APPBP2: variants seen among roughly 807,000 people sequenced by gnomAD.
APPBP2 encodes the protein amyloid protein-binding protein 2.
In APPBP2, 15 loss-of-function variants were observed where a neutral mutation model predicts 76.0. That is an observed-to-expected ratio of 0.20 (90% CI 0.13 to 0.30). The LOEUF (loss-of-function observed/expected upper bound fraction) is 0.30. Among genes scored for constraint, APPBP2 ranks in the 10% least tolerant of loss-of-function variants. APPBP2 has a pLI of 1.00. For missense variants in APPBP2, 401 were observed against 687.2 expected (o/e 0.58, Z 4.66); for synonymous variants, 222 against 242.2 (o/e 0.92, Z 0.77).
At chr17:60,456,933 C>T (rs571453102) in intron 9 of APPBP2, among the ~76,000 whole-genome samples, 16 of 151,826 alleles carry the variant, frequency 1.1e-4, no homozygotes, top group African/African-American at 2.4e-4. Flanking sequence ...GTCAGGAGTT[C>T]GAGACAAGCC....
chr17:60,513,723 C>A (rs943286328), intron 1 of APPBP2, among the ~76,000 whole-genome samples: 3 of 151,428 alleles, frequency 2.0e-5, no homozygotes, highest in African/African-American at 4.9e-5. Context: ...ATTAGCCGGG[C>A]GTGGTGGCGG....
chr17:60,499,463 C>A (rs1348176238), intron 2 of APPBP2, among the ~76,000 whole-genome samples: 2 of 152,162 alleles, frequency 1.3e-5, no homozygotes, highest in Admixed American at 6.5e-5. Context: ...CCCTTGAGCC[C>A]AGGAGTTCGA....
At chr17:60,517,580 AG>A (rs2090973258) in intron 1 of APPBP2, among the ~76,000 whole-genome samples, 1 of 152,226 alleles carries the variant, frequency 6.6e-6, no homozygotes, top group Admixed American at 6.5e-5. Context: ...GGTAAAGTCA[AG>A]ATACTTTCTT....
chr17:60,505,376 C>T (rs943205233), intron 1 of APPBP2, among the ~76,000 whole-genome samples: 2 of 152,258 alleles, frequency 1.3e-5, no homozygotes, highest in Non-Finnish European at 2.9e-5. Flanking sequence ...AGTGCAGTGG[C>T]ACGATCTTGG....
At chr17:60,525,473 A>G (rs907858523) in intron 1 of APPBP2, among the ~76,000 whole-genome samples, 1 of 152,222 alleles carries the variant, frequency 6.6e-6, no homozygotes, top group African/African-American at 2.4e-5. Flanking sequence ...GATACGGGCT[A>G]GAAGGAAAGG....
rs905410095 is a variant in APPBP2 at position 60,443,250 on chromosome 17, T to C, written c.*4331A>G. The C allele has an allele frequency of 6.5e-5, 10 of 152,784 alleles. No individual in the cohort carries two copies. Among genetic ancestry groups the C allele is most frequent in the African/African-American group, 2.2e-4 (9 of 41,578 alleles). The allele number at this position is 152,784 out of a possible 1,614,324, so 9.5% of individuals were successfully genotyped here. Reference sequence around the variant, plus strand: ...ATGCTGGTTACAAACATACTTAGTATGGTTTAATAGTTACAAATAACGGTG... The same window carrying C: ...ATGCTGGTTACAAACATACTTAGTACGGTTTAATAGTTACAAATAACGGTG... On this transcript the variant is annotated 3_prime_UTR_variant, in exon 13 of 13. Coordinates refer to ENST00000083182, the MANE Select transcript of APPBP2 (RefSeq NM_006380.5).
In APPBP2 at chr17:60,479,121, G is replaced by A. The variant is rs374493299; in HGVS notation, c.503+27C>T. Reference sequence around the variant, plus strand: ...AAGCCACTAAATACTGTTATAGCACGTAATTACAGGATATGTTCCAACTTA... The same window carrying A: ...AAGCCACTAAATACTGTTATAGCACATAATTACAGGATATGTTCCAACTTA... On this transcript the variant is annotated intron_variant, in intron 4 of 12. Transcript: ENST00000083182. 5.7e-5 allele frequency: 91 copies of A among 1,599,450 alleles called. No homozygotes were observed. In the African/African-American group the frequency reaches 8.6e-4, roughly 15 times the overall value.
intron 4 of APPBP2, among the ~76,000 whole-genome samples, chr17:60,475,452 A>G (rs1598355299): frequency 6.6e-6 from 1 of 152,102 alleles, no homozygotes; most frequent in East Asian, 1.9e-4. Flanking sequence ...TCCCTCAGAT[A>G]CGGTACATGG....
intron 2 of APPBP2, chr17:60,496,290 T>C (rs2090775079): frequency 6.6e-6 from 1 of 152,210 alleles, no homozygotes; most frequent in South Asian, 2.1e-4. Context: ...TTTTATAGTG[T>C]GTGAATCACA....
chr17:60,501,397 C>T (rs745992975), intron 1 of APPBP2, among the ~76,000 whole-genome samples: 25 of 152,100 alleles, frequency 1.6e-4, no homozygotes, highest in Admixed American at 6.6e-4. Context: ...TCACCAAATG[C>T]TTTTTGAGAC....
At chr17:60,462,207 C>T in intron 6 of APPBP2, 146 bp from the exon 7 acceptor site, 1 of 658,804 alleles carries the variant, frequency 1.5e-6, no homozygotes, top group Non-Finnish European at 2.7e-6. Context: ...TAATTTCTTT[C>T]CTTCCAAGTA....
At chr17:60,522,116 C>T (rs1054913146) in intron 1 of APPBP2, among the ~76,000 whole-genome samples, 25 of 152,182 alleles carry the variant, frequency 1.6e-4, no homozygotes, top group African/African-American at 5.8e-4. Context: ...CATTAAGCAA[C>T]ACATGACTGT....
In APPBP2 at chr17:60,447,583, A is replaced by G; in HGVS notation, c.1756T>C (p.Ter586ArgextTer70). ...ISQNVEGPSC[*>R] ...AATTGGTTAACTGAGGTCCTCCCTC[A>G]GCAGCTCGGTCCCTCGACATTCTGA... Residue 586 changes from the stop codon to arginine, a stop_lost, in exon 13 of 13, where the codon TGA (stop) becomes CGA (arginine). Transcript: ENST00000083182. 1 of 1,609,298 alleles carries G rather than the reference A, an allele frequency of 6.2e-7. No homozygotes were observed. Among genetic ancestry groups the G allele is most frequent in the Non-Finnish European group, 8.5e-7 (1 of 1,177,100 alleles).
chr17:60,479,379 T>A, intron 3 of APPBP2, 108 bp from the exon 4 acceptor site: 1 of 1,186,626 alleles, frequency 8.4e-7, no homozygotes, highest in Non-Finnish European at 1.1e-6. Context: ...ACCATGATAG[T>A]AAAATCTTGT....
intron 3 of APPBP2, among the ~76,000 whole-genome samples, chr17:60,481,219 A>G (rs73328418): frequency 0.082 from 12,504 of 152,220 alleles, 1,701 homozygotes; most frequent in African/African-American, 0.28. Flanking sequence ...TATGGTAGCC[A>G]ATTCTCACAG....
chr17:60,524,231 A>T (rs763814787), intron 1 of APPBP2, among the ~76,000 whole-genome samples: 4 of 152,238 alleles, frequency 2.6e-5, no homozygotes, highest in Non-Finnish European at 4.4e-5. Flanking sequence ...TCAACTAGTA[A>T]ATACACTTGG....
chr17:60,496,743 CAG>C (rs769631302), intron 2 of APPBP2, among the ~76,000 whole-genome samples: 3 of 151,988 alleles, frequency 2.0e-5, no homozygotes, highest in African/African-American at 4.8e-5. Context: ...TTTTTTGAGA[CAG>C]AGTCTCACTC....
At chr17:60,486,093 T>C (rs988816781) in intron 3 of APPBP2, among the ~76,000 whole-genome samples, 2 of 152,198 alleles carry the variant, frequency 1.3e-5, no homozygotes, top group Non-Finnish European at 2.9e-5. Context: ...TTCTTTTACA[T>C]TTGCCAAGGA....
chr17:60,491,308 C>G (rs949121662), intron 3 of APPBP2, among the ~76,000 whole-genome samples: 2 of 152,040 alleles, frequency 1.3e-5, no homozygotes, highest in Admixed American at 1.3e-4. Flanking sequence ...ATGTGTGGAA[C>G]CTTTAACTTG....
Sources: gnomAD v4.1 joint callset for allele counts (sites outside exome capture counted in the v4.1 genomes callset) on GRCh38, gnomAD v4.1.1 for gene constraint, MANE v1.5 for transcripts, NCBI Gene and HGNC (gene_info 2026-07-23, HGNC 2026-07-21) for gene names.